Variants in TBC1D22A observed in about 807,000 individuals in gnomAD.
TBC1D22A encodes the protein putative GTPase activator.
A neutral mutation model predicts 60.2 loss-of-function variants in TBC1D22A; 38 were observed. The observed-to-expected ratio is 0.63, with a 90% CI of 0.49 to 0.83. The LOEUF (loss-of-function observed/expected upper bound fraction) is 0.83, where lower values mean the gene tolerates loss of function less well. Ranked by LOEUF, TBC1D22A falls within the 40% of genes least tolerant of loss-of-function variation. The pLI is 0.00. For missense variants in TBC1D22A, 628 were observed against 701.0 expected (o/e 0.90, Z 1.18); for synonymous variants, 302 against 281.7 (o/e 1.07, Z -0.72).
intron 6 of TBC1D22A, among the ~76,000 whole-genome samples, chr22:46,892,530 G>A (rs5769210): frequency 0.61 from 92,823 of 151,996 alleles, 29,516 homozygotes; most frequent in Middle Eastern, 0.8. Context: ...CCCCTGGACC[G>A]CACTGGACCG....
At chr22:46,798,168 G>T (rs1015329238) in intron 4 of TBC1D22A, among the ~76,000 whole-genome samples, 1 of 152,208 alleles carries the variant, frequency 6.6e-6, no homozygotes, top group African/African-American at 2.4e-5. Flanking sequence ...GATCCACCAC[G>T]CCTGGCCCAT....
At chr22:46,888,862 C>T (rs1251323179) in intron 5 of TBC1D22A, among the ~76,000 whole-genome samples, 2 of 152,172 alleles carry the variant, frequency 1.3e-5, no homozygotes, top group African/African-American at 2.4e-5. Context: ...TGTGCCGCCA[C>T]ATCTGGCTAA....
chr22:46,887,696 C>A (rs1032064356), intron 5 of TBC1D22A, among the ~76,000 whole-genome samples: 1 of 152,208 alleles, frequency 6.6e-6, no homozygotes, highest in African/African-American at 2.4e-5. Flanking sequence ...GGGCGGTGAC[C>A]GAGAGGCCTG....
chr22:47,045,709 C>G (rs757868648), intron 11 of TBC1D22A, among the ~76,000 whole-genome samples: 2 of 152,180 alleles, frequency 1.3e-5, no homozygotes, highest in African/African-American at 4.8e-5. Flanking sequence ...TGAACCAGAA[C>G]AGTCAATAAA....
chr22:46,816,842 G>A (rs2085623038), intron 4 of TBC1D22A, among the ~76,000 whole-genome samples: 1 of 152,168 alleles, frequency 6.6e-6, no homozygotes, highest in Non-Finnish European at 1.5e-5. Flanking sequence ...TAGAGCTTGT[G>A]AAAACTGAAA....
intron 10 of TBC1D22A, among the ~76,000 whole-genome samples, chr22:47,001,154 C>A (rs5767430): frequency 6.6e-6 from 1 of 152,134 alleles, no homozygotes; most frequent in African/African-American, 2.4e-5. Flanking sequence ...CTCATAAAAT[C>A]TAGGTTCCAA....
At chr22:47,090,511 A>G (rs2147611792) in intron 11 of TBC1D22A, among the ~76,000 whole-genome samples, 1 of 152,324 alleles carries the variant, frequency 6.6e-6, no homozygotes, top group Admixed American at 6.5e-5. Flanking sequence ...TGTCCTGTTT[A>G]GAAAATGAGC....
chr22:47,043,180 G>A (rs1386434263), intron 11 of TBC1D22A, among the ~76,000 whole-genome samples: 1 of 152,232 alleles, frequency 6.6e-6, no homozygotes, highest in Non-Finnish European at 1.5e-5. Flanking sequence ...TGTGGTGGGA[G>A]GCCACAAGAG....
intron 12 of TBC1D22A, among the ~76,000 whole-genome samples, chr22:47,125,328 G>A (rs1335518987): frequency 6.6e-6 from 1 of 152,204 alleles, no homozygotes; most frequent in African/African-American, 2.4e-5. Context: ...CTCAGAAGCC[G>A]GCACAGCTAA....
At chr22:47,036,783 A>C (rs910649995) in intron 10 of TBC1D22A, among the ~76,000 whole-genome samples, 7 of 152,124 alleles carry the variant, frequency 4.6e-5, no homozygotes, top group African/African-American at 1.7e-4. Flanking sequence ...GTGTCGACTC[A>C]AGCCCCCCCA....
chr22:47,125,453 C>T lies in TBC1D22A; in HGVS notation c.1425+13850C>T, dbSNP rs142577844. Among the ~76,000 whole-genome samples, 685 of 152,320 alleles carry T rather than the reference C, an allele frequency of 4.5e-3. 6 individuals carry two copies. Among genetic ancestry groups the T allele is most frequent in the Middle Eastern group, 0.024 (7 of 294 alleles). Reference sequence around the variant, plus strand: ...GGTAACTTCTTTATACTTCGAAAAGCTCCCTATTAAATTATACCCCTCATT... The same window carrying T: ...GGTAACTTCTTTATACTTCGAAAAGTTCCCTATTAAATTATACCCCTCATT... On this transcript the variant is annotated intron_variant, in intron 12 of 12. Coordinates refer to ENST00000337137, the MANE Select transcript of TBC1D22A (RefSeq NM_014346.5).
chr22:47,045,927 C>G (rs746485983), intron 11 of TBC1D22A, among the ~76,000 whole-genome samples: 9 of 152,130 alleles, frequency 5.9e-5, no homozygotes, highest in Admixed American at 4.6e-4. Flanking sequence ...CCCCACAGCA[C>G]CCCCAGCATC....
intron 11 of TBC1D22A, among the ~76,000 whole-genome samples, chr22:47,039,004 T>A (rs539811894): frequency 1.3e-5 from 2 of 152,244 alleles, no homozygotes; most frequent in Non-Finnish European, 2.9e-5. Context: ...TTAGGCTGTT[T>A]GAGACCCAGA....
intron 9 of TBC1D22A, among the ~76,000 whole-genome samples, chr22:46,986,556 A>G (rs1193438373): frequency 1.3e-5 from 2 of 152,194 alleles, no homozygotes; most frequent in Non-Finnish European, 2.9e-5. Context: ...TATCCTCACA[A>G]ACATTTTGCA....
intron 12 of TBC1D22A, among the ~76,000 whole-genome samples, chr22:47,163,496 T>A (rs1029776695): frequency 3.9e-5 from 6 of 152,230 alleles, no homozygotes; most frequent in African/African-American, 1.2e-4. Flanking sequence ...GTGTGTGCGA[T>A]TCAGTCCTCA....
At chr22:47,163,421 T>C (rs895863901) in intron 12 of TBC1D22A, among the ~76,000 whole-genome samples, 2 of 152,252 alleles carry the variant, frequency 1.3e-5, no homozygotes, top group African/African-American at 4.8e-5. Context: ...CAAAGGTCCC[T>C]GGTTGCAGTG....
rs746048534 is a variant in TBC1D22A at position 46,793,712 on chromosome 22, C to T, written c.331C>T (p.Arg111Trp). The T allele has an allele frequency of 2.7e-5, 43 of 1,609,560 alleles. No individual in the cohort carries two copies. The highest frequency in any genetic ancestry group is 7.7e-5 in the South Asian group (7 of 90,704). The change falls in exon 3 of 13, where the codon CGG (arginine) becomes TGG (tryptophan). Residue 111 changes from arginine to tryptophan, a missense_variant. Physicochemically the swap from Arg to Trp is moderately radical, Grantham distance 101 (BLOSUM62 -3). Transcript: ENST00000337137. Reference protein sequence around the residue: ...VLRNHSQRQGRPTLQEGPGLQ... With the variant: ...VLRNHSQRQGWPTLQEGPGLQ... ...GCGTAACCACAGCCAGCGGCAGGGG[C>T]GGCCCACGCTGCAGGAGGGGCCAGG...
At chr22:46,870,465 A>G (rs567721240) in intron 4 of TBC1D22A, among the ~76,000 whole-genome samples, 11 of 152,310 alleles carry the variant, frequency 7.2e-5, no homozygotes, top group Admixed American at 3.9e-4. Flanking sequence ...ACTTAATCTC[A>G]TTCATTTTCT....
At chr22:47,105,237 T>A (rs2180151) in intron 11 of TBC1D22A, among the ~76,000 whole-genome samples, 58,254 of 150,786 alleles carry the variant, frequency 0.39, 11,272 homozygotes, top group South Asian at 0.47. Context: ...TGAGTGGATT[T>A]AAAAAAAAAA....
Sources: gnomAD v4.1 joint callset for allele counts (sites outside exome capture counted in the v4.1 genomes callset) on GRCh38, gnomAD v4.1.1 for gene constraint, MANE v1.5 for transcripts, NCBI Gene and HGNC (gene_info 2026-07-23, HGNC 2026-07-21) for gene names.